DIRAS2: variants seen among roughly 807,000 people sequenced by gnomAD.
The protein encoded by DIRAS2 is GTP-binding protein Di-Ras2.
DIRAS2 carries 5 observed loss-of-function variants against 13.9 expected under a neutral mutation model. The ratio of observed to expected loss-of-function variants is 0.36; its 90% CI spans 0.19 to 0.76. The LOEUF (loss-of-function observed/expected upper bound fraction) is 0.76. Among genes scored for constraint, DIRAS2 ranks in the 30% least tolerant of loss-of-function variants. The pLI, the probability that DIRAS2 is intolerant of heterozygous loss-of-function variation, is 0.53. For missense variants in DIRAS2, 191 were observed against 263.0 expected (o/e 0.73, Z 1.89); for synonymous variants, 111 against 105.4 (o/e 1.05, Z -0.33).
In DIRAS2 at chr9:90,610,046, T is replaced by G. The variant is rs1825095672; in HGVS notation, c.*3182A>C. ...AGTCATGCTCTGCAAATACTTTGTA[T>G]ACACACTGTCCTTGTGGGGTATGAA... On this transcript the variant is annotated 3_prime_UTR_variant, in exon 2 of 2. Transcript: ENST00000375765. 5.4e-6 allele frequency: 1 copy of G among 183,500 alleles called. No individual in the cohort carries two copies. Among genetic ancestry groups the G allele is most frequent in the Admixed American group, 6.2e-5 (1 of 16,248 alleles). 11.4% of individuals were successfully genotyped at this position (183,500 alleles called of 1,614,324 possible). A position where few individuals can be genotyped will look rare whatever the true frequency, so the allele number is the denominator to read the frequency against.
chr9:90,631,520 T>C (rs1383069025), intron 1 of DIRAS2, among the ~76,000 whole-genome samples: 2 of 151,946 alleles, frequency 1.3e-5, no homozygotes, highest in East Asian at 3.9e-4. Flanking sequence ...CAGTCAGAAG[T>C]CTCCAGCAAC....
intron 1 of DIRAS2, among the ~76,000 whole-genome samples, chr9:90,620,804 C>T (rs1362206709): frequency 1.3e-5 from 2 of 151,958 alleles, no homozygotes; most frequent in Non-Finnish European, 2.9e-5. Flanking sequence ...CATGCAACAA[C>T]CTCTTTGAAC....
intron 1 of DIRAS2, among the ~76,000 whole-genome samples, chr9:90,642,020 A>G (rs1455086816): frequency 6.6e-6 from 1 of 152,224 alleles, no homozygotes; most frequent in Non-Finnish European, 1.5e-5. Context: ...TCCCAAACCC[A>G]CATAGAATGT....
At chr9:90,620,454 A>T (rs994798788) in intron 1 of DIRAS2, among the ~76,000 whole-genome samples, 1 of 152,216 alleles carries the variant, frequency 6.6e-6, no homozygotes, top group Non-Finnish European at 1.5e-5. Flanking sequence ...ACATATTAAT[A>T]CCTTAAGAAA....
Position 90,613,302 on chromosome 9 carries a change from G to A in DIRAS2, c.526C>T (p.Leu176Phe). Residue 176 changes from leucine to phenylalanine, a missense_variant, in exon 2 of 2, where the codon CTC becomes TTC. By Grantham distance (22) the Leu-to-Phe change is conservative. Coordinates refer to ENST00000375765, the MANE Select transcript of DIRAS2 (RefSeq NM_017594.5). This position sits in a 1 kb window ranked among gnomAD's most constrained non-coding sequence, Gnocchi z 5.6. ...LNLEKRRTVS[L>F]QIDGKKSKQQ... ...TTGCTCTTTTTCCCGTCGATCTGGA[G>A]ACTCACGGTCCTGCGCTTCTCCAGG... The A allele has an allele frequency of 6.2e-7, 1 of 1,613,956 alleles. No individual in the cohort carries two copies. The highest frequency in any genetic ancestry group is 8.5e-7 in the Non-Finnish European group (1 of 1,180,018).
Position 90,612,353 on chromosome 9 carries a change from AC to A in DIRAS2, c.*874del, listed in dbSNP as rs1468629756. ...AAGAAAACCACCTTGGAGGAAAAAA[AC>A]GTCTAAAAATAGTGAGTTTATTTGC... On this transcript the variant is annotated 3_prime_UTR_variant, in exon 2 of 2. Transcript: ENST00000375765. 2 of 152,644 alleles carry A rather than the reference AC, an allele frequency of 1.3e-5. No individual in the cohort carries two copies. The highest frequency in any genetic ancestry group is 1.5e-5 in the Non-Finnish European group (1 of 68,054). 9.5% of individuals were successfully genotyped at this position (152,644 alleles called of 1,614,324 possible).
chr9:90,623,250 C>A (rs1439387207), intron 1 of DIRAS2, among the ~76,000 whole-genome samples: 2 of 152,126 alleles, frequency 1.3e-5, no homozygotes, highest in African/African-American at 2.4e-5. Context: ...ATGAAAGAAT[C>A]ATCACATTGG....
At chr9:90,638,595 T>C (rs1430508048) in intron 1 of DIRAS2, among the ~76,000 whole-genome samples, 1 of 152,040 alleles carries the variant, frequency 6.6e-6, no homozygotes, top group African/African-American at 2.4e-5. Flanking sequence ...TGTCAGATGA[T>C]TGTTTTATAG....
intron 1 of DIRAS2, among the ~76,000 whole-genome samples, chr9:90,639,616 G>GTGCAAAA (rs1825400825): frequency 1.3e-5 from 2 of 152,206 alleles, no homozygotes; most frequent in Admixed American, 6.5e-5. Context: ...GTTAGTAGTG[G>GTGCAAAA]TGCAAAATGA....
intron 1 of DIRAS2, among the ~76,000 whole-genome samples, chr9:90,639,881 C>T (rs576674912): frequency 1.2e-4 from 18 of 152,242 alleles, no homozygotes; most frequent in South Asian, 8.3e-4. Flanking sequence ...TTTTTGATAG[C>T]GCTTAGTTGG....
At chr9:90,640,418 A>G (rs1220388078) in intron 1 of DIRAS2, among the ~76,000 whole-genome samples, 1 of 152,222 alleles carries the variant, frequency 6.6e-6, no homozygotes, top group Non-Finnish European at 1.5e-5. Flanking sequence ...TGAAAACTAA[A>G]GCATTATTTG....
intron 1 of DIRAS2, among the ~76,000 whole-genome samples, chr9:90,635,110 A>C (rs1480868069): frequency 6.6e-6 from 1 of 152,224 alleles, no homozygotes; most frequent in Non-Finnish European, 1.5e-5. Flanking sequence ...CCACATTTGA[A>C]CTCAAGTTTA....
In DIRAS2 at chr9:90,613,670, C is replaced by T. The variant is rs764964710; in HGVS notation, c.158G>A (p.Ser53Asn). ...TYRQVISCDK[S>N]ICTLQITDTT... is the part of the protein sequence containing the mutation. ...GTCGGTGATCTGCAATGTGCATATGCTCTTGTCACAGCTGATCACTTGCCG... is the reference window on the plus strand; with the variant it reads ...GTCGGTGATCTGCAATGTGCATATGTTCTTGTCACAGCTGATCACTTGCCG... Residue 53 changes from serine to asparagine, a missense_variant, in exon 2 of 2, where the codon AGC (serine) becomes AAC (asparagine). Transcript: ENST00000375765. This position sits in a 1 kb window ranked among gnomAD's most constrained non-coding sequence, Gnocchi z 5.6. 51 of 1,614,052 alleles carry T rather than the reference C, an allele frequency of 3.2e-5. 1 individual carries two copies. The Admixed American group carries it at 8.3e-4, about 26-fold the overall frequency.
At chr9:90,619,756 A>G (rs1825202577) in intron 1 of DIRAS2, among the ~76,000 whole-genome samples, 1 of 152,266 alleles carries the variant, frequency 6.6e-6, no homozygotes, top group Non-Finnish European at 1.5e-5. Context: ...TGATACTCAT[A>G]GCAATATTAA....
At chr9:90,618,483 C>A (rs542128273) in intron 1 of DIRAS2, among the ~76,000 whole-genome samples, 3 of 152,210 alleles carry the variant, frequency 2.0e-5, no homozygotes, top group East Asian at 1.9e-4. Flanking sequence ...TAGGTATAAA[C>A]CTTGATAACC....
At chr9:90,615,077 G>A (rs1825156727) in intron 1 of DIRAS2, among the ~76,000 whole-genome samples, 1 of 152,202 alleles carries the variant, frequency 6.6e-6, no homozygotes, top group Non-Finnish European at 1.5e-5. Context: ...GCATTGTGCT[G>A]ACTTTTCACC....
Position 90,613,053 on chromosome 9 carries a change from G to T in DIRAS2, c.*175C>A. ...CTGGCAGATTCTGTGACTCCAGAGT[G>T]GGTGGCTTACTGTTGGTGGTGTGAA... is the stretch of plus-strand genomic sequence containing the variant. On this transcript the variant is annotated 3_prime_UTR_variant, in exon 2 of 2. Transcript: ENST00000375765. The surrounding 1 kb of genome is among the most constrained non-coding windows in gnomAD (Gnocchi z 5.6). The T allele has an allele frequency of 1.2e-6, 1 of 831,072 alleles. No homozygotes were observed. The highest frequency in any genetic ancestry group is 2.7e-5 in the East Asian group (1 of 37,342). The allele number at this position is 831,072 out of a possible 1,614,324, so 51.5% of individuals were successfully genotyped here. A position where few individuals can be genotyped will look rare whatever the true frequency, so the allele number is the denominator to read the frequency against.
intron 1 of DIRAS2, among the ~76,000 whole-genome samples, chr9:90,634,246 C>A (rs1289952678): frequency 1.3e-5 from 2 of 152,128 alleles, no homozygotes; most frequent in African/African-American, 4.8e-5. Context: ...AGAAGGAAGA[C>A]AATGAACCAG....
chr9:90,633,986 C>CA (rs1246870314), intron 1 of DIRAS2, among the ~76,000 whole-genome samples: 1 of 152,162 alleles, frequency 6.6e-6, no homozygotes, highest in African/African-American at 2.4e-5. Context: ...AATTAATTTT[C>CA]AAATACAGAT....
Sources: allele counts gnomAD v4.1 joint callset (sites outside exome capture counted in the v4.1 genomes callset), GRCh38; gene constraint gnomAD v4.1.1; non-coding constraint Gnocchi (gnomAD v3.1); transcripts MANE v1.5; gene names NCBI Gene and HGNC (gene_info 2026-07-23, HGNC 2026-07-21).